The following GNB2 variants were observed in gnomAD, a reference collection of about 807,000 sequenced individuals.
GNB2 encodes the protein guanine nucleotide-binding protein G(I)/G(S)/G(T) subunit beta-2.
A neutral mutation model predicts 40.7 loss-of-function variants in GNB2; 7 were observed. That is an observed-to-expected ratio of 0.17 (90% CI 0.10 to 0.32). GNB2 has a LOEUF of 0.32. GNB2 is among the 10% of genes least tolerant of loss of function. The pLI is 1.00. For synonymous variants in GNB2, 254 were observed against 191.2 expected (o/e 1.33, Z -2.71); for missense variants, 286 against 473.0 (o/e 0.60, Z 3.67).
At chr7:100,678,639 T>G (rs1391280948) in intron 9 of GNB2, 25 bp downstream of exon 9, 1 of 1,608,496 alleles carries the variant, frequency 6.2e-7, no homozygotes, top group Non-Finnish European at 8.5e-7. Flanking sequence ...CCAGGCTGGG[T>G]GGGCAGGGAC....
At chr7:100,674,481 C>G (rs1804308150) in intron 1 of GNB2, among the ~76,000 whole-genome samples, 1 of 151,974 alleles carries the variant, frequency 6.6e-6, no homozygotes, top group African/African-American at 2.4e-5. Flanking sequence ...TTTACAGATC[C>G]TCACCCCAAG....
intron 7 of GNB2, 25 bp from the exon 8 acceptor site, chr7:100,678,073 T>C: frequency 6.3e-7 from 1 of 1,583,786 alleles, no homozygotes; most frequent in Non-Finnish European, 8.7e-7. Flanking sequence ...CTCTTATCTT[T>C]TCTTTCTTCC....
At position 100,679,007 on chromosome 7, in the gene GNB2, G is replaced by A. The variant is rs1404927893; in HGVS notation, c.*206G>A. On this transcript the variant is annotated 3_prime_UTR_variant, in exon 10 of 10. Transcript: ENST00000303210. ...TGGAATGGGGGAAGAGGAGGAGCAG[G>A]AGGCCCTCATCCTTCTGCTGCCCTG... is the stretch of plus-strand genomic sequence containing the variant. 5.3e-6 allele frequency: 3 copies of A among 569,024 alleles called. No individual in the cohort carries two copies. Among genetic ancestry groups the A allele is most frequent in the Non-Finnish European group, 9.4e-6 (3 of 318,142 alleles). The allele number at this position is 569,024 out of a possible 1,614,324, so 35.2% of individuals were successfully genotyped here.
At chr7:100,674,316 T>C (rs1584477797) in intron 1 of GNB2, among the ~76,000 whole-genome samples, 1 of 111,270 alleles carries the variant, frequency 9.0e-6, no homozygotes, top group East Asian at 3.1e-4. Context: ...GTCGCACCCC[T>C]GCCGGCCCTC....
At chr7:100,676,929 G>C in intron 4 of GNB2, 130 bp downstream of exon 4, 3 of 626,026 alleles carry the variant, frequency 4.8e-6, no homozygotes, top group Non-Finnish European at 8.5e-6. Flanking sequence ...GTGACTCCCA[G>C]ACATGTCCGC....
chr7:100,677,709 C>A, intron 6 of GNB2, 43 bp from the exon 7 acceptor site: 1 of 1,612,606 alleles, frequency 6.2e-7, no homozygotes, highest in Non-Finnish European at 8.5e-7. Flanking sequence ...GGGGGGTGCA[C>A]TGCCCTCCGT....
intron 4 of GNB2, 172 bp from the exon 5 acceptor site, chr7:100,677,180 G>A: frequency 1.6e-6 from 1 of 618,880 alleles, no homozygotes; most frequent in South Asian, 1.8e-5. Flanking sequence ...GGGAGGCTGA[G>A]GTGGGAGGAT....
Position 100,677,063 on chromosome 7 carries a change from C to T in GNB2, c.203+264C>T, listed in dbSNP as rs1401848023. On this transcript the variant is annotated intron_variant, in intron 4 of 9. Transcript: ENST00000303210. ...AGGCCAGGGCAGGATCACTTGAGCTCAGGAGTTTGAGACCAGCCTGGGCAA... is the reference window on the plus strand; with the variant it reads ...AGGCCAGGGCAGGATCACTTGAGCTTAGGAGTTTGAGACCAGCCTGGGCAA... 5.1e-6 allele frequency: 3 copies of T among 591,868 alleles called. No individual in the cohort carries two copies. The Admixed American group carries it at 8.9e-5, about 18-fold the overall frequency. 36.7% of individuals were successfully genotyped at this position (591,868 alleles called of 1,614,324 possible).
At chr7:100,674,435 A>C (rs1804307177) in intron 1 of GNB2, among the ~76,000 whole-genome samples, 1 of 151,460 alleles carries the variant, frequency 6.6e-6, no homozygotes, top group Non-Finnish European at 1.5e-5. Flanking sequence ...TTCTGGCCCC[A>C]CTCGCCGAAA....
Position 100,678,975 on chromosome 7 carries a change from A to C in GNB2, c.*174A>C, listed in dbSNP as rs543273084. 1.7e-6 allele frequency: 1 copy of C among 593,802 alleles called. No individual in the cohort carries two copies. Among genetic ancestry groups the C allele is most frequent in the Non-Finnish European group, 3.0e-6 (1 of 330,358 alleles). The allele number at this position is 593,802 out of a possible 1,614,324, so 36.8% of individuals were successfully genotyped here. A position where few individuals can be genotyped will look rare whatever the true frequency, so the allele number is the denominator to read the frequency against. ...CCGGGGCCCCCACTGTGGAGATAAG[A>C]AGGGGATGGAATGGGGGAAGAGGAG... On this transcript the variant is annotated 3_prime_UTR_variant, in exon 10 of 10. Coordinates refer to ENST00000303210, the MANE Select transcript of GNB2 (RefSeq NM_005273.4).
chr7:100,676,960 C>A (rs1488669592), intron 4 of GNB2, 161 bp downstream of exon 4: 2 of 606,098 alleles, frequency 3.3e-6, no homozygotes, highest in Non-Finnish European at 5.9e-6. Context: ...CAGGCAGGAC[C>A]ATGCTGGTGA....
intron 2 of GNB2, 58 bp from the exon 3 acceptor site, chr7:100,676,477 C>A (rs1009116280): frequency 3.4e-6 from 5 of 1,460,546 alleles, no homozygotes; most frequent in Admixed American, 1.7e-5. Flanking sequence ...TCTCTTCTCT[C>A]CCTTTCCTCC....
chr7:100,674,474 A>G (rs915364191), intron 1 of GNB2, among the ~76,000 whole-genome samples: 1 of 150,620 alleles, frequency 6.6e-6, no homozygotes, highest in East Asian at 2.0e-4. Flanking sequence ...TATTCCCTTT[A>G]CAGATCCTCA....
rs752609096 is a variant in GNB2 at position 100,678,547 on chromosome 7, G to C, written c.849G>C (p.Arg283=). 6.2e-7 allele frequency: 1 copy of C among 1,613,878 alleles called. No individual in the cohort carries two copies. Residue 283 remains arginine, a synonymous_variant, in exon 9 of 10, where the codon CGG becomes CGC. Coordinates refer to ENST00000303210, the MANE Select transcript of GNB2 (RefSeq NM_005273.4). ...ITSVAFSRSG[R]LLLAGYDDFN... ...CTGTTGCCTTCTCGCGCAGCGGACG[G>C]CTGCTGCTCGCTGGCTACGACGACT...
In GNB2 at chr7:100,676,675, TTC is replaced by T. The variant is rs1419330309; in HGVS notation, c.97-16_97-15del. Reference sequence around the variant, plus strand: ...TGCTGCCTGGGCCTCCCCGAGCGCATTCTGTCTCTACCTCCAGATCACAGCTG... The same window carrying T: ...TGCTGCCTGGGCCTCCCCGAGCGCATTGTCTCTACCTCCAGATCACAGCTG... On this transcript the variant is annotated splice_polypyrimidine_tract_variant and intron_variant, in intron 3 of 9. Coordinates refer to ENST00000303210, the MANE Select transcript of GNB2 (RefSeq NM_005273.4). 1.9e-5 allele frequency: 30 copies of T among 1,591,120 alleles called. No individual in the cohort carries two copies. Among genetic ancestry groups the T allele is most frequent in the Non-Finnish European group, 2.6e-5 (30 of 1,159,362 alleles).
chr7:100,676,578 G>A lies in GNB2; in HGVS notation c.96+5G>A. 3 of 1,608,612 alleles carry A rather than the reference G, an allele frequency of 1.9e-6. No individual in the cohort carries two copies. Among genetic ancestry groups the A allele is most frequent in the African/African-American group, 2.7e-5 (2 of 74,950 alleles). ...GGGGACTCAACACTGACCCAGGTGA[G>A]GGCACTTGGTGGCCAGAGCGTAACT... On this transcript the variant is annotated splice_donor_5th_base_variant and intron_variant, in intron 3 of 9. Coordinates refer to ENST00000303210, the MANE Select transcript of GNB2 (RefSeq NM_005273.4).
intron 1 of GNB2, among the ~76,000 whole-genome samples, chr7:100,674,433 C>T (rs1031121167): frequency 2.0e-5 from 3 of 152,120 alleles, no homozygotes; most frequent in Admixed American, 2.0e-4. Context: ...GTTTCTGGCC[C>T]CACTCGCCGA....
At chr7:100,675,191 C>T (rs528897048) in intron 1 of GNB2, 2,923 of 150,542 alleles carry the variant, frequency 0.019, 40 homozygotes, top group Non-Finnish European at 0.027. Context: ...GTGTCCAGGG[C>T]GCCGCGGCCA....
In GNB2 at chr7:100,678,905, C is replaced by CCGGGG; in HGVS notation, c.*104_*105insCGGGG. Reference sequence around the variant, plus strand: ...GCAATCCCAGCCCCCTTCCCCGGGCCACGGGGCCTTGGGTCCCTGCCCTCC... The same window carrying CCGGGG: ...GCAATCCCAGCCCCCTTCCCCGGGCCCGGGGACGGGGCCTTGGGTCCCTGCCCTCC... On this transcript the variant is annotated 3_prime_UTR_variant, in exon 10 of 10. Transcript: ENST00000303210. The CCGGGG allele has an allele frequency of 1.1e-6, 1 of 905,122 alleles. No individual in the cohort carries two copies. The highest frequency in any genetic ancestry group is 1.7e-6 in the Non-Finnish European group (1 of 586,780). 56.1% of individuals were successfully genotyped at this position (905,122 alleles called of 1,614,324 possible).
Sources: gnomAD v4.1 joint callset for allele counts (sites outside exome capture counted in the v4.1 genomes callset) on GRCh38, gnomAD v4.1.1 for gene constraint, MANE v1.5 for transcripts, NCBI Gene and HGNC (gene_info 2026-07-23, HGNC 2026-07-21) for gene names.